The following TMEM132D variants were observed in gnomAD, a reference collection of about 807,000 sequenced individuals.
TMEM132D encodes mature OL transmembrane protein.
In TMEM132D, 21 loss-of-function variants were observed where a neutral mutation model predicts 62.3. The observed-to-expected ratio is 0.34, with a 90% CI of 0.24 to 0.49. TMEM132D has a LOEUF of 0.49. TMEM132D is among the 20% of genes least tolerant of loss of function. The probability of loss-of-function intolerance (pLI) is 0.99; values close to 1 mark genes in which losing one functional copy is unlikely to be tolerated. For missense variants in TMEM132D, 1,346 were observed against 1,402.8 expected, an observed-to-expected ratio of 0.96 and a Z score of 0.65; for synonymous variants, 621 against 575.6, an observed-to-expected ratio of 1.08 and a Z score of -1.13.
chr12:129,157,822 T>C (rs1877290555), intron 5 of TMEM132D, among the ~76,000 whole-genome samples: 1 of 152,252 alleles, frequency 6.6e-6, no homozygotes, highest in Non-Finnish European at 1.5e-5. Context: ...TATAATTTCA[T>C]TGCTTTTTCC....
Position 129,903,372 on chromosome 12 carries a change from C to T in TMEM132D, c.-33G>A. On this transcript the variant is annotated 5_prime_UTR_variant, in exon 1 of 9. Transcript: ENST00000422113. The surrounding 1 kb of genome is among the most constrained non-coding windows in gnomAD (Gnocchi z 6.2). ...ACCCGGAGCGCAGATCCTCCGCTCC[C>T]CGGCGCCGTCCAGGCGAACAAGAGA... 1 of 1,546,064 alleles carries T rather than the reference C, an allele frequency of 6.5e-7. No homozygotes were observed. Among genetic ancestry groups the T allele is most frequent in the Middle Eastern group, 1.7e-4 (1 of 5,952 alleles).
At chr12:129,274,677 G>C (rs1880954455) in intron 4 of TMEM132D, among the ~76,000 whole-genome samples, 1 of 151,986 alleles carries the variant, frequency 6.6e-6, no homozygotes. Flanking sequence ...ACAAGGTCAG[G>C]AGATCGAGAC....
chr12:129,535,869 G>A (rs1478864750), intron 2 of TMEM132D, among the ~76,000 whole-genome samples: 1 of 151,952 alleles, frequency 6.6e-6, no homozygotes. Flanking sequence ...GGGACAGGGA[G>A]AGAAGTTTTG....
chr12:129,668,386 A>G (rs956390745), intron 2 of TMEM132D, among the ~76,000 whole-genome samples: 7 of 151,512 alleles, frequency 4.6e-5, no homozygotes, highest in African/African-American at 1.7e-4. Flanking sequence ...TAGTGGCTAT[A>G]GACTGTTGTC....
At chr12:129,464,416 T>C (rs1260050251) in intron 3 of TMEM132D, among the ~76,000 whole-genome samples, 1 of 152,222 alleles carries the variant, frequency 6.6e-6, no homozygotes, top group Admixed American at 6.5e-5. Flanking sequence ...TCCCATTTTG[T>C]AGGTTGCCTG....
At chr12:129,437,252 G>A (rs1872810939) in intron 3 of TMEM132D, among the ~76,000 whole-genome samples, 1 of 152,054 alleles carries the variant, frequency 6.6e-6, no homozygotes. Context: ...TAATGACTTT[G>A]AAGCCACAGG....
chr12:129,528,766 A>G (rs1220576141), intron 3 of TMEM132D, among the ~76,000 whole-genome samples: 3 of 152,390 alleles, frequency 2.0e-5, no homozygotes, highest in Admixed American at 2.0e-4. Context: ...ACAAACATTT[A>G]TAGACAGCCC....
intron 3 of TMEM132D, among the ~76,000 whole-genome samples, chr12:129,490,142 T>C (rs1278125930): frequency 6.6e-6 from 1 of 152,342 alleles, no homozygotes; most frequent in East Asian, 1.9e-4. Context: ...ATAGTTCATT[T>C]AGTCAATTTC....
At chr12:129,685,376 C>T (rs4562861) in intron 2 of TMEM132D, among the ~76,000 whole-genome samples, 42,915 of 152,124 alleles carry the variant, frequency 0.28, 6,234 homozygotes, top group Admixed American at 0.35. Flanking sequence ...GGGGCCAAGG[C>T]ACAGCTCAGG....
At chr12:129,796,688 A>G (rs1248971794) in intron 1 of TMEM132D, among the ~76,000 whole-genome samples, 1 of 152,142 alleles carries the variant, frequency 6.6e-6, no homozygotes, top group Non-Finnish European at 1.5e-5. Flanking sequence ...ATGAGAACAC[A>G]TGGACACAGG....
intron 3 of TMEM132D, among the ~76,000 whole-genome samples, chr12:129,517,365 T>C (rs897668182): frequency 6.6e-6 from 1 of 152,116 alleles, no homozygotes; most frequent in East Asian, 1.9e-4. Flanking sequence ...TATTAACAAA[T>C]GTGATGCATT....
intron 1 of TMEM132D, among the ~76,000 whole-genome samples, chr12:129,723,119 T>C (rs1328811042): frequency 6.6e-6 from 1 of 152,214 alleles, no homozygotes; most frequent in African/African-American, 2.4e-5. Flanking sequence ...CGGCTTAACA[T>C]GGACTGATAG....
At chr12:129,130,504 C>T (rs796347975) in intron 5 of TMEM132D, among the ~76,000 whole-genome samples, 3 of 152,314 alleles carry the variant, frequency 2.0e-5, no homozygotes, top group African/African-American at 7.2e-5. Flanking sequence ...GGTCTGCTGC[C>T]TGAGAGGACC....
Position 129,626,435 on chromosome 12 carries a change from T to C in TMEM132D, c.968+73375A>G, listed in dbSNP as rs11060470. On this transcript the variant is annotated intron_variant, in intron 2 of 8. Coordinates refer to ENST00000422113, the MANE Select transcript of TMEM132D (RefSeq NM_133448.3). ...GTACAGTATTTGCATACTACTCAAT[T>C]GTACTTTTTTTCTACTTTTATGTGC... Among the ~76,000 whole-genome samples the C allele has an allele frequency of 2.0e-4, 31 of 151,322 alleles. No individual in the cohort carries two copies. In the East Asian group the frequency reaches 5.3e-3, roughly 26 times the overall value.
At chr12:129,823,817 G>C (rs879785507) in intron 1 of TMEM132D, among the ~76,000 whole-genome samples, 3 of 152,040 alleles carry the variant, frequency 2.0e-5, no homozygotes, top group Non-Finnish European at 2.9e-5. Context: ...TATCTTATAG[G>C]GCTTAATATA....
At chr12:129,740,096 C>T (rs1421577597) in intron 1 of TMEM132D, among the ~76,000 whole-genome samples, 2 of 152,128 alleles carry the variant, frequency 1.3e-5, no homozygotes, top group African/African-American at 2.4e-5. Flanking sequence ...TCTTTCCCAC[C>T]TTTTTCAGTC....
chr12:129,812,014 G>T (rs999792485), intron 1 of TMEM132D, among the ~76,000 whole-genome samples: 2 of 151,782 alleles, frequency 1.3e-5, no homozygotes, highest in Non-Finnish European at 2.9e-5. Flanking sequence ...CCACCTGGAC[G>T]TCTGCCCTAC....
chr12:129,759,619 A>G (rs114598180), intron 1 of TMEM132D, among the ~76,000 whole-genome samples: 1,949 of 152,324 alleles, frequency 0.013, 44 homozygotes, highest in African/African-American at 0.045. Context: ...CCAGTGCCAG[A>G]CATATTCCAT....
At chr12:129,802,948 T>C (rs1410098881) in intron 1 of TMEM132D, among the ~76,000 whole-genome samples, 5 of 150,706 alleles carry the variant, frequency 3.3e-5, no homozygotes, top group Admixed American at 6.6e-5. Flanking sequence ...AAGAAGGCCA[T>C]TACATAATGG....
Sources: allele counts gnomAD v4.1 joint callset (sites outside exome capture counted in the v4.1 genomes callset), GRCh38; gene constraint gnomAD v4.1.1; non-coding constraint Gnocchi (gnomAD v3.1); transcripts MANE v1.5; gene names NCBI Gene and HGNC (gene_info 2026-07-23, HGNC 2026-07-21).